The following GLRA1 variants were observed in gnomAD, a reference collection of about 807,000 sequenced individuals.
GLRA1 encodes glycine receptor alpha 1.
A neutral mutation model predicts 48.3 loss-of-function variants in GLRA1; 37 were observed. That is an observed-to-expected ratio of 0.77 (90% CI 0.59 to 1.01). The LOEUF (loss-of-function observed/expected upper bound fraction) is 1.01, where lower values mean the gene tolerates loss of function less well. Ranked by LOEUF, GLRA1 falls within the 50% of genes least tolerant of loss-of-function variation. GLRA1 has a pLI of 0.00. For synonymous variants in GLRA1, 196 were observed against 210.7 expected (o/e 0.93, Z 0.60); for missense variants, 427 against 571.0 (o/e 0.75, Z 2.57).
chr5:151,863,753 C>T (rs933709188), intron 3 of GLRA1, among the ~76,000 whole-genome samples: 2 of 152,184 alleles, frequency 1.3e-5, no homozygotes, highest in Non-Finnish European at 2.9e-5. Flanking sequence ...CAGTCTTGAT[C>T]TGTTATCAGC....
intron 1 of GLRA1, among the ~76,000 whole-genome samples, chr5:151,904,175 C>G (rs975203540): frequency 6.6e-6 from 1 of 152,152 alleles, no homozygotes; most frequent in African/African-American, 2.4e-5. Context: ...GCCCCTTTAC[C>G]CTTTCAGGAT....
chr5:151,847,503 G>A (rs1189759344), intron 7 of GLRA1, among the ~76,000 whole-genome samples: 6 of 152,144 alleles, frequency 3.9e-5, no homozygotes, highest in African/African-American at 9.7e-5. Flanking sequence ...GGTGGATCAC[G>A]AGGTCAGGAG....
chr5:151,901,233 C>T (rs1446002989), intron 1 of GLRA1, among the ~76,000 whole-genome samples: 1 of 152,166 alleles, frequency 6.6e-6, no homozygotes, highest in Non-Finnish European at 1.5e-5. Context: ...TATAATGCTA[C>T]CACAACCATC....
chr5:151,852,730 A>AG (rs1752944143), intron 6 of GLRA1, among the ~76,000 whole-genome samples: 2 of 152,238 alleles, frequency 1.3e-5, no homozygotes, highest in Non-Finnish European at 2.9e-5. Flanking sequence ...GTGTACATTT[A>AG]GGTTGTTTCC....
intron 7 of GLRA1, among the ~76,000 whole-genome samples, chr5:151,847,899 TG>T (rs1283073895): frequency 2.0e-5 from 3 of 152,210 alleles, no homozygotes; most frequent in Non-Finnish European, 4.4e-5. Context: ...CAGAATGTTG[TG>T]TCTAGCATAA....
intron 7 of GLRA1, among the ~76,000 whole-genome samples, chr5:151,833,362 A>C (rs543963333): frequency 2.9e-4 from 44 of 152,370 alleles, no homozygotes; most frequent in South Asian, 2.1e-4. Flanking sequence ...GGCAAATTGG[A>C]TAAAGAATCA....
chr5:151,893,341 TTTCTTTCTTTCTTTC>T, intron 1 of GLRA1, among the ~76,000 whole-genome samples: 2 of 150,152 alleles, frequency 1.3e-5, no homozygotes, highest in African/African-American at 4.9e-5. Context: ...TCTTTCTTTC[TTTCTTTCTTTCTTTC>T]TTTCATTTTA....
chr5:151,875,498 G>A (rs1007278541), intron 3 of GLRA1: 2 of 152,164 alleles, frequency 1.3e-5, no homozygotes, highest in African/African-American at 2.4e-5. Flanking sequence ...ATCTCCTTGT[G>A]TGGTAGCTGT....
chr5:151,843,561 G>A (rs976879010), intron 7 of GLRA1, among the ~76,000 whole-genome samples: 5 of 151,770 alleles, frequency 3.3e-5, no homozygotes, highest in African/African-American at 4.8e-5. Context: ...ATGCCTGGCC[G>A]CTGCTTCTAA....
chr5:151,905,553 C>G (rs1722058187), intron 1 of GLRA1, among the ~76,000 whole-genome samples: 1 of 152,084 alleles, frequency 6.6e-6, no homozygotes, highest in Non-Finnish European at 1.5e-5. Context: ...CCCCCTTGGT[C>G]ACAAACCTCT....
At position 151,877,991 on chromosome 5, in the gene GLRA1, A is replaced by C. The variant is rs560906395; in HGVS notation, c.252+8730T>G. Among the ~76,000 whole-genome samples, 10 of 152,328 alleles carry C rather than the reference A, an allele frequency of 6.6e-5. No homozygotes were observed. The South Asian group carries it at 1.0e-3, about 16-fold the overall frequency. ...TTTGGGCACTGCTGAAAAGATACCC[A>C]AAAATGTGAAATTAGGTAACAGGCA... On this transcript the variant is annotated intron_variant, in intron 3 of 8. Coordinates refer to ENST00000274576, the MANE Select transcript of GLRA1 (RefSeq NM_000171.4).
At chr5:151,825,373 C>G (rs576407296) in intron 8 of GLRA1, among the ~76,000 whole-genome samples, 1 of 152,104 alleles carries the variant, frequency 6.6e-6, no homozygotes, top group Non-Finnish European at 1.5e-5. Flanking sequence ...ACTTTTTATG[C>G]TGCTTTGGGT....
In GLRA1 at chr5:151,822,838, A is replaced by C; in HGVS notation, c.1185T>G (p.Pro395=). The C allele has an allele frequency of 6.2e-7, 1 of 1,614,122 alleles. No homozygotes were observed. The highest frequency in any genetic ancestry group is 2.2e-5 in the East Asian group (1 of 44,870). ...TCTCCTCTGGGGACTTAGATGGTGC[A>C]GGAGGGGGGTTGGTGGTGTTACTGT... ...ANNSNTTNPP[P]APSKSPEEMR... Residue 395 remains proline, a synonymous_variant, in exon 9 of 9, where the codon CCT becomes CCG. Transcript: ENST00000274576.
At chr5:151,857,188 A>G (rs148127728) in intron 4 of GLRA1, among the ~76,000 whole-genome samples, 49 of 152,262 alleles carry the variant, frequency 3.2e-4, no homozygotes, top group Non-Finnish European at 4.8e-4. Flanking sequence ...CCCAGCCTAG[A>G]CAAAGCCCCC....
chr5:151,899,641 A>G (rs1248784215), intron 1 of GLRA1, among the ~76,000 whole-genome samples: 1 of 152,162 alleles, frequency 6.6e-6, no homozygotes, highest in African/African-American at 2.4e-5. Context: ...GAGTTGGATC[A>G]TCAGGTCAGC....
intron 1 of GLRA1, among the ~76,000 whole-genome samples, chr5:151,919,888 G>A (rs73287824): frequency 0.016 from 2,479 of 152,374 alleles, 90 homozygotes; most frequent in African/African-American, 0.057. Context: ...AATCATGCTG[G>A]CTTCTGCCAG....
intron 3 of GLRA1, among the ~76,000 whole-genome samples, chr5:151,868,702 G>A (rs2113374444): frequency 6.6e-6 from 1 of 152,304 alleles, no homozygotes; most frequent in South Asian, 2.1e-4. Flanking sequence ...CTAACAGGAA[G>A]TATTGAAAAG....
chr5:151,878,056 A>C (rs1753670904), intron 3 of GLRA1, among the ~76,000 whole-genome samples: 1 of 152,224 alleles, frequency 6.6e-6, no homozygotes, highest in Non-Finnish European at 1.5e-5. Context: ...GAGGACAGGA[A>C]AATGTGGGAA....
intron 7 of GLRA1, among the ~76,000 whole-genome samples, chr5:151,830,168 A>G (rs1342266203): frequency 6.6e-6 from 1 of 152,212 alleles, no homozygotes; most frequent in East Asian, 1.9e-4. Context: ...CATTGGATGG[A>G]GCAGAACACA....
Sources: allele counts gnomAD v4.1 joint callset (sites outside exome capture counted in the v4.1 genomes callset), GRCh38; gene constraint gnomAD v4.1.1; transcripts MANE v1.5; gene names NCBI Gene and HGNC (gene_info 2026-07-23, HGNC 2026-07-21).